The following MSRA variants were observed in gnomAD, a reference collection of about 807,000 sequenced individuals.
The protein encoded by MSRA is methionine sulfoxide reductase A, also known as mitochondrial peptide methionine sulfoxide reductase.
A neutral mutation model predicts 31.3 loss-of-function variants in MSRA; 54 were observed. The ratio of observed to expected loss-of-function variants is 1.73; its 90% CI spans 1.39 to 2.17. The LOEUF (loss-of-function observed/expected upper bound fraction) is 2.17. MSRA is among the 30% of genes most tolerant of loss of function. MSRA has a pLI of 0.00. For synonymous variants in MSRA, 169 were observed against 116.5 expected (o/e 1.45, Z -2.90); for missense variants, 507 against 300.9 (o/e 1.69, Z -5.07).
At chr8:10,417,377 C>G (rs1281887730) in intron 5 of MSRA, among the ~76,000 whole-genome samples, 1 of 150,806 alleles carries the variant, frequency 6.6e-6, no homozygotes, top group Non-Finnish European at 1.5e-5. Flanking sequence ...GCTCCGGGGT[C>G]CTCTTTGGTG....
chr8:10,253,544 A>C (rs2129087894), intron 3 of MSRA, among the ~76,000 whole-genome samples: 1 of 152,354 alleles, frequency 6.6e-6, no homozygotes, highest in South Asian at 2.1e-4. Context: ...ACATCCTTTT[A>C]CCCATTCAAC....
intron 5 of MSRA, among the ~76,000 whole-genome samples, chr8:10,392,517 C>G (rs779954322): frequency 3.4e-4 from 52 of 152,130 alleles, no homozygotes; most frequent in Non-Finnish European, 6.6e-4. Flanking sequence ...TCTCCCCTTC[C>G]TCTGTCTCTG....
chr8:10,111,484 G>A (rs567307658), intron 1 of MSRA, among the ~76,000 whole-genome samples: 11 of 152,224 alleles, frequency 7.2e-5, no homozygotes, highest in East Asian at 3.9e-4. Context: ...ATGATTTGTC[G>A]ATCTTTTCCC....
At chr8:10,327,003 C>A (rs1444000539) in intron 5 of MSRA, among the ~76,000 whole-genome samples, 2 of 152,192 alleles carry the variant, frequency 1.3e-5, no homozygotes, top group East Asian at 3.8e-4. Flanking sequence ...GAGCATTCTC[C>A]TGGCCATATG....
intron 1 of MSRA, among the ~76,000 whole-genome samples, chr8:10,137,933 T>A (rs1027337697): frequency 6.6e-6 from 1 of 152,214 alleles, no homozygotes; most frequent in African/African-American, 2.4e-5. Context: ...ATCTCTAGTG[T>A]CTGTATTTTT....
intron 2 of MSRA, among the ~76,000 whole-genome samples, chr8:10,236,748 G>T (rs1330967942): frequency 6.6e-6 from 1 of 152,192 alleles, no homozygotes; most frequent in Non-Finnish European, 1.5e-5. Flanking sequence ...GTTTTACTAT[G>T]TTGGCCAGGC....
intron 3 of MSRA, among the ~76,000 whole-genome samples, chr8:10,255,305 G>A (rs553267474): frequency 6.6e-6 from 1 of 152,326 alleles, no homozygotes; most frequent in Admixed American, 6.5e-5. Context: ...GAGGGAAGGG[G>A]CCTTTTAATT....
At chr8:10,286,395 T>A (rs553862775) in intron 3 of MSRA, among the ~76,000 whole-genome samples, 2 of 152,172 alleles carry the variant, frequency 1.3e-5, no homozygotes, top group African/African-American at 2.4e-5. Flanking sequence ...AAGGGGAGTT[T>A]CCCTGCACAA....
At position 10,408,851 on chromosome 8, in the gene MSRA, G is replaced by C. The variant is rs368191992; in HGVS notation, c.544-19297G>C. On this transcript the variant is annotated intron_variant, in intron 5 of 5. Coordinates refer to ENST00000317173, the MANE Select transcript of MSRA (RefSeq NM_012331.5). ...TTCTGTGTCTGAGTTATTTCACTTAGCATAATGGCCTCCAGTTCTCTCCAC... is the reference window on the plus strand; with the variant it reads ...TTCTGTGTCTGAGTTATTTCACTTACCATAATGGCCTCCAGTTCTCTCCAC... Among the ~76,000 whole-genome samples the C allele has an allele frequency of 2.0e-5, 3 of 149,240 alleles. No homozygotes were observed. In the South Asian group the frequency reaches 6.3e-4, roughly 31 times the overall value.
At chr8:10,229,086 A>G (rs984058768) in intron 2 of MSRA, among the ~76,000 whole-genome samples, 1 of 152,220 alleles carries the variant, frequency 6.6e-6, no homozygotes, top group African/African-American at 2.4e-5. Context: ...GTGAGATGTT[A>G]TAAATAATTT....
At chr8:10,127,334 C>G (rs908061946) in intron 1 of MSRA, among the ~76,000 whole-genome samples, 1 of 152,144 alleles carries the variant, frequency 6.6e-6, no homozygotes, top group Non-Finnish European at 1.5e-5. Context: ...TGGGTACGGA[C>G]TATGTTCAAT....
intron 4 of MSRA, among the ~76,000 whole-genome samples, chr8:10,310,625 T>C (rs1414966951): frequency 6.6e-6 from 1 of 152,214 alleles, no homozygotes; most frequent in Non-Finnish European, 1.5e-5. Flanking sequence ...CATTTGCTCC[T>C]TAAAGCAACC....
At chr8:10,221,715 T>C (rs547606811) in intron 2 of MSRA, among the ~76,000 whole-genome samples, 13 of 152,318 alleles carry the variant, frequency 8.5e-5, no homozygotes, top group Admixed American at 6.5e-4. Context: ...TAAGTGCTGT[T>C]GATTAAAATA....
intron 1 of MSRA, among the ~76,000 whole-genome samples, chr8:10,182,895 A>G (rs1327806354): frequency 6.6e-6 from 1 of 152,224 alleles, no homozygotes; most frequent in Non-Finnish European, 1.5e-5. Flanking sequence ...CAAGTTACTC[A>G]AGGAGAAGGC....
At chr8:10,412,430 A>C (rs1438020940) in intron 5 of MSRA, among the ~76,000 whole-genome samples, 1 of 152,224 alleles carries the variant, frequency 6.6e-6, no homozygotes, top group Non-Finnish European at 1.5e-5. Flanking sequence ...CATGGGAATG[A>C]ATGTGGACCT....
At position 10,329,500 on chromosome 8, in the gene MSRA, C is replaced by T. The variant is rs1375176120; in HGVS notation, c.543+9511C>T. Reference sequence around the variant, plus strand: ...GGGCCCACCCAAACAATCAAGAATACTCCCGCATCTCAACCCCCCTTATTT... The same window carrying T: ...GGGCCCACCCAAACAATCAAGAATATTCCCGCATCTCAACCCCCCTTATTT... On this transcript the variant is annotated intron_variant, in intron 5 of 5. Coordinates refer to ENST00000317173, the MANE Select transcript of MSRA (RefSeq NM_012331.5). Among the ~76,000 whole-genome samples, 3 of 152,234 alleles carry T rather than the reference C, an allele frequency of 2.0e-5. No individual in the cohort carries two copies. The East Asian group carries it at 5.8e-4, about 29-fold the overall frequency.
chr8:10,417,820 A>T (rs759873443), intron 5 of MSRA, among the ~76,000 whole-genome samples: 29 of 124,762 alleles, frequency 2.3e-4, no homozygotes, highest in Admixed American at 3.3e-4. Flanking sequence ...CAAGCATAGC[A>T]TGGAATTTGA....
chr8:10,352,376 T>C (rs751362725), intron 5 of MSRA, among the ~76,000 whole-genome samples: 3 of 152,192 alleles, frequency 2.0e-5, no homozygotes, highest in Non-Finnish European at 4.4e-5. Context: ...ATCTAGTGTT[T>C]GGAAAGAGTT....
intron 2 of MSRA, among the ~76,000 whole-genome samples, chr8:10,208,338 G>A (rs746484131): frequency 3.6e-4 from 54 of 151,860 alleles, no homozygotes; most frequent in African/African-American, 1.2e-3. Context: ...AATTAAGCAC[G>A]CTCCTTAAGA....
Sources: allele counts gnomAD v4.1 joint callset (sites outside exome capture counted in the v4.1 genomes callset), GRCh38; gene constraint gnomAD v4.1.1; transcripts MANE v1.5; gene names NCBI Gene and HGNC (gene_info 2026-07-23, HGNC 2026-07-21).